The following CTNND1 variants were observed in gnomAD, a reference collection of about 807,000 sequenced individuals.
CTNND1 encodes catenin delta-1.
A neutral mutation model predicts 112.1 loss-of-function variants in CTNND1; 16 were observed. That is an observed-to-expected ratio of 0.14 (90% CI 0.10 to 0.22). The LOEUF is 0.22. CTNND1 is among the 10% of genes least tolerant of loss of function. The probability of loss-of-function intolerance (pLI) is 1.00; values close to 1 mark genes in which losing one functional copy is unlikely to be tolerated. For missense variants in CTNND1, 1,008 were observed against 1,257.0 expected (o/e 0.80, Z 3.00); for synonymous variants, 420 against 446.5 (o/e 0.94, Z 0.75).
chr11:57,767,898 A>G (rs1421766247), intron 1 of CTNND1, among the ~76,000 whole-genome samples: 3 of 151,458 alleles, frequency 2.0e-5, no homozygotes, highest in East Asian at 1.9e-4. Context: ...TAGTAGTGCA[A>G]TCTTTGCTTG....
intron 11 of CTNND1, chr11:57,806,691 A>G (rs1448164583): frequency 3.2e-6 from 2 of 631,244 alleles, no homozygotes; most frequent in Non-Finnish European, 5.6e-6. Flanking sequence ...TCAGGACAAT[A>G]GCATCAACAG....
chr11:57,765,938 A>G (rs985118494), intron 1 of CTNND1, among the ~76,000 whole-genome samples: 6 of 152,116 alleles, frequency 3.9e-5, no homozygotes, highest in African/African-American at 1.4e-4. Flanking sequence ...TGGGAGGTCC[A>G]GGTGGGTGGA....
At chr11:57,768,672 C>G (rs982456284) in intron 1 of CTNND1, among the ~76,000 whole-genome samples, 2 of 151,952 alleles carry the variant, frequency 1.3e-5, no homozygotes, top group Non-Finnish European at 2.9e-5. Flanking sequence ...GGATTACAGG[C>G]GTGAGCCACC....
chr11:57,811,300 C>G (rs2063328642), intron 16 of CTNND1, 99 bp from the exon 17 acceptor site: 1 of 929,926 alleles, frequency 1.1e-6, no homozygotes, highest in African/African-American at 1.7e-5. Context: ...TTTCATGATT[C>G]TATTTGGGAA....
intron 1 of CTNND1, among the ~76,000 whole-genome samples, chr11:57,785,363 C>T (rs1182657366): frequency 3.9e-5 from 6 of 152,130 alleles, no homozygotes; most frequent in Non-Finnish European, 8.8e-5. Flanking sequence ...GCTGCAGTTT[C>T]GAGTGGTTGA....
intron 2 of CTNND1, 26 bp downstream of exon 2, chr11:57,789,181 G>T: frequency 1.5e-6 from 2 of 1,364,284 alleles, no homozygotes; most frequent in Non-Finnish European, 1.9e-6. Context: ...TGTTTATTAA[G>T]AAGGAAAAAT....
At position 57,806,353 on chromosome 11, in the gene CTNND1, T is replaced by A; in HGVS notation, c.1877-108T>A. On this transcript the variant is annotated intron_variant, in intron 10 of 20. Coordinates refer to ENST00000399050, the MANE Select transcript of CTNND1 (RefSeq NM_001085458.2). Reference sequence around the variant, plus strand: ...CATTTTCTGTGTTTTTCTTTTCTTCTCTGTGCTTCCCTGCTTATTTGCCCA... The same window carrying A: ...CATTTTCTGTGTTTTTCTTTTCTTCACTGTGCTTCCCTGCTTATTTGCCCA... The A allele has an allele frequency of 5.5e-6, 6 of 1,087,418 alleles. No individual in the cohort carries two copies. In the South Asian group the frequency reaches 8.5e-5, roughly 15 times the overall value. The allele number at this position is 1,087,418 out of a possible 1,614,324, so 67.4% of individuals were successfully genotyped here.
At chr11:57,792,832 ATTTT>A (rs35942817) in intron 3 of CTNND1, among the ~76,000 whole-genome samples, 3 of 140,358 alleles carry the variant, frequency 2.1e-5, no homozygotes, top group Non-Finnish European at 1.5e-5. Flanking sequence ...CGGCTGAGTG[ATTTT>A]TTTTTTTTTT....
chr11:57,790,687 A>G (rs1455554180), intron 2 of CTNND1, among the ~76,000 whole-genome samples: 1 of 150,470 alleles, frequency 6.6e-6, no homozygotes, highest in Non-Finnish European at 1.5e-5. Flanking sequence ...CCTCCCGAGT[A>G]GCTGGAATTA....
chr11:57,810,325 C>T (rs1464684918), intron 16 of CTNND1, 102 bp downstream of exon 16: 2 of 863,938 alleles, frequency 2.3e-6, no homozygotes, highest in Non-Finnish European at 3.4e-6. Context: ...TCATGCTAAA[C>T]CTATTTTTTT....
At chr11:57,806,693 C>T in intron 11 of CTNND1, 1 of 631,426 alleles carries the variant, frequency 1.6e-6, no homozygotes, top group Non-Finnish European at 2.8e-6. Context: ...AGGACAATAG[C>T]ATCAACAGTG....
intron 4 of CTNND1, 67 bp downstream of exon 4, chr11:57,794,148 C>A: frequency 7.1e-7 from 1 of 1,409,940 alleles, no homozygotes; most frequent in Non-Finnish European, 1.0e-6. Flanking sequence ...CCTATAAGAG[C>A]ATATTTGTGT....
intron 1 of CTNND1, among the ~76,000 whole-genome samples, chr11:57,765,854 A>G (rs1233081535): frequency 6.6e-6 from 1 of 152,158 alleles, no homozygotes; most frequent in African/African-American, 2.4e-5. Context: ...TTTCTTGGCA[A>G]GTGGTACAAA....
At chr11:57,777,980 C>T (rs560267134) in intron 1 of CTNND1, among the ~76,000 whole-genome samples, 1 of 152,074 alleles carries the variant, frequency 6.6e-6, no homozygotes, top group Non-Finnish European at 1.5e-5. Flanking sequence ...AGTGGAGGAC[C>T]TTTATTAGGA....
chr11:57,771,077 A>G lies in CTNND1; in HGVS notation c.-214+8958A>G, dbSNP rs1952455581. ...CAGGTAAGACTACCTAGGCCTCTTC[A>G]TAGGCCTAACTAAGATCACAGTTGG... On this transcript the variant is annotated intron_variant, in intron 1 of 20. Coordinates refer to ENST00000399050, the MANE Select transcript of CTNND1 (RefSeq NM_001085458.2). Among the ~76,000 whole-genome samples the G allele has an allele frequency of 3.3e-5, 5 of 152,092 alleles. No homozygotes were observed. In the South Asian group the frequency reaches 1.0e-3, roughly 32 times the overall value.
chr11:57,777,000 T>C (rs1022284886), intron 1 of CTNND1, among the ~76,000 whole-genome samples: 2 of 152,206 alleles, frequency 1.3e-5, no homozygotes, highest in African/African-American at 2.4e-5. Context: ...AACTCATTTA[T>C]TTGGTCTGGG....
chr11:57,766,109 T>A (rs1029842166), intron 1 of CTNND1, among the ~76,000 whole-genome samples: 4 of 151,950 alleles, frequency 2.6e-5, no homozygotes, highest in Non-Finnish European at 4.4e-5. Flanking sequence ...TCTCAAAAAA[T>A]AATAATAATA....
rs754624351 is a variant in CTNND1, at chr11:57,801,927, C to T, written c.1151C>T (p.Ser384Phe). 1 of 1,614,012 alleles carries T rather than the reference C, an allele frequency of 6.2e-7. No homozygotes were observed. Among genetic ancestry groups the T allele is most frequent in the South Asian group, 1.1e-5 (1 of 91,082 alleles). Residue 384 changes from serine to phenylalanine, a missense_variant, in exon 7 of 21, where the codon TCC becomes TTC. By Grantham distance (155) the Ser-to-Phe change is radical. Transcript: ENST00000399050. ...GGATTCCGCTTGGATGCTGTCAAGT[C>T]CAATGCAGCTGCATACCTGCAACAC... Reference protein sequence around the residue: ...MLGFRLDAVKSNAAAYLQHLC... With the variant: ...MLGFRLDAVKFNAAAYLQHLC...
chr11:57,802,090 A>G lies in CTNND1; in HGVS notation c.1314A>G (p.Gly438=). ...ACGALKNISF[G]RDQDNKIAIK... The stretch of plus-strand genomic sequence containing the variant: ...GAGCTCTCAAGAATATCTCTTTTGG[A>G]CGTGACCAGGATAACAAGATTGCCA... Residue 438 remains glycine, a synonymous_variant, in exon 7 of 21, where the codon GGA becomes GGG. Transcript: ENST00000399050. The G allele has an allele frequency of 6.2e-7, 1 of 1,613,994 alleles. No homozygotes were observed. The highest frequency in any genetic ancestry group is 1.1e-5 in the South Asian group (1 of 91,086).
Sources: gnomAD v4.1 joint callset for allele counts (sites outside exome capture counted in the v4.1 genomes callset) on GRCh38, gnomAD v4.1.1 for gene constraint, MANE v1.5 for transcripts, NCBI Gene and HGNC (gene_info 2026-07-23, HGNC 2026-07-21) for gene names.